The following PPP1R12B variants were observed in gnomAD, a reference collection of about 807,000 sequenced individuals.
PPP1R12B encodes the protein myosin phosphatase target subunit 2.
In PPP1R12B, 76 loss-of-function variants were observed where a neutral mutation model predicts 126.1. That is an observed-to-expected ratio of 0.60 (90% CI 0.50 to 0.73). PPP1R12B has a LOEUF of 0.73. PPP1R12B is among the 30% of genes least tolerant of loss of function. The pLI, the probability that PPP1R12B is intolerant of heterozygous loss-of-function variation, is 0.00. For synonymous variants in PPP1R12B, 356 were observed against 434.7 expected (o/e 0.82, Z 2.25); for missense variants, 1,052 against 1,205.1 (o/e 0.87, Z 1.88).
At chr1:202,570,467 A>G (rs1688485978) in intron 23 of PPP1R12B, among the ~76,000 whole-genome samples, 4 of 152,210 alleles carry the variant, frequency 2.6e-5, no homozygotes, top group African/African-American at 9.7e-5. Context: ...TAACATTCAC[A>G]TAGAATTTTA....
intron 18 of PPP1R12B, among the ~76,000 whole-genome samples, chr1:202,539,316 A>C (rs529931639): frequency 1.4e-4 from 21 of 152,166 alleles, no homozygotes; most frequent in Admixed American, 8.5e-4. Flanking sequence ...TTTTCCTCCT[A>C]CAAGTGGTAA....
chr1:202,492,138 C>T (rs1342490959), intron 14 of PPP1R12B, among the ~76,000 whole-genome samples: 1 of 152,166 alleles, frequency 6.6e-6, no homozygotes, highest in Non-Finnish European at 1.5e-5. Context: ...ACCCAGTGTT[C>T]GGTATTCATC....
At chr1:202,562,662 C>T (rs750715737) in intron 19 of PPP1R12B, 116 bp from the exon 20 acceptor site, 1 of 1,155,978 alleles carries the variant, frequency 8.7e-7, no homozygotes, top group Non-Finnish European at 1.3e-6. Context: ...TGAGTTGTTT[C>T]TGGCCAGGGC....
rs1467732001 is a variant in PPP1R12B, at chr1:202,582,911, A to T, written c.*2351A>T. On this transcript the variant is annotated 3_prime_UTR_variant, in exon 24 of 24. Coordinates refer to ENST00000608999, the MANE Select transcript of PPP1R12B (RefSeq NM_002481.4). ...AAAAAAATAATAATAATAAATAAAT[A>T]AAAAATCCCAATTACAGAACAGGAG... is the stretch of plus-strand genomic sequence containing the variant. The T allele has an allele frequency of 6.6e-6, 1 of 152,072 alleles. No individual in the cohort carries two copies. Among genetic ancestry groups the T allele is most frequent in the Non-Finnish European group, 1.5e-5 (1 of 68,016 alleles). 9.4% of individuals were successfully genotyped at this position (152,072 alleles called of 1,614,324 possible). A position where few individuals can be genotyped will look rare whatever the true frequency, so the allele number is the denominator to read the frequency against.
intron 18 of PPP1R12B, among the ~76,000 whole-genome samples, chr1:202,533,466 TTTTTGTTTTGTTTTG>T (rs546207929): frequency 6.6e-6 from 1 of 152,040 alleles, no homozygotes; most frequent in African/African-American, 2.4e-5. Context: ...ATTTTGGGTT[TTTTTGTTTTGTTTTG>T]TTTTGTTTTG....
chr1:202,451,718 AG>A (rs1672956112), intron 13 of PPP1R12B, among the ~76,000 whole-genome samples: 1 of 152,028 alleles, frequency 6.6e-6, no homozygotes, highest in Admixed American at 6.5e-5. Flanking sequence ...GGCCGGGCAG[AG>A]GGGCTCCTCA....
Position 202,455,205 on chromosome 1 carries a change from T to TAG in PPP1R12B, c.1850+6050_1850+6051dup, listed in dbSNP as rs138316173. Among the ~76,000 whole-genome samples, 41 of 151,024 alleles carry TAG rather than the reference T, an allele frequency of 2.7e-4. No individual in the cohort carries two copies. The East Asian group carries it at 5.9e-3, about 22-fold the overall frequency. On this transcript the variant is annotated intron_variant, in intron 13 of 23. Coordinates refer to ENST00000608999, the MANE Select transcript of PPP1R12B (RefSeq NM_002481.4). The stretch of plus-strand genomic sequence containing the variant: ...TAGGAGCTATATACATATATATATA[T>TAG]AGAGAGAGAGAGAGAGAATTCACAT...
At chr1:202,523,706 T>C (rs1201208640) in intron 18 of PPP1R12B, among the ~76,000 whole-genome samples, 6 of 152,132 alleles carry the variant, frequency 3.9e-5, no homozygotes, top group Non-Finnish European at 5.9e-5. Context: ...GTTTTTTTGT[T>C]TGTTTTTTGT....
chr1:202,495,452 A>G lies in PPP1R12B; in HGVS notation c.2305A>G (p.Thr769Ala), dbSNP rs747772262. 8.7e-6 allele frequency: 14 copies of G among 1,607,972 alleles called. No individual in the cohort carries two copies. Among genetic ancestry groups the G allele is most frequent in the Non-Finnish European group, 1.2e-5 (14 of 1,177,048 alleles). ...DSESSETTTNTTTAKEMDKNE... is the reference protein window; with the variant it reads ...DSESSETTTNATTAKEMDKNE... ...TGAGAGTTCAGAGACTACCACAAAC[A>G]CTACAACTGCAAAGGAAATGGACAA... Residue 769 changes from threonine (T) to alanine (A), a missense_variant, in exon 16 of 24, where the codon ACT (threonine) becomes GCT (alanine). Thr to Ala is a moderately conservative substitution (Grantham distance 58). Coordinates refer to ENST00000608999, the MANE Select transcript of PPP1R12B (RefSeq NM_002481.4).
chr1:202,453,087 C>T (rs1009261249), intron 13 of PPP1R12B, among the ~76,000 whole-genome samples: 2 of 152,140 alleles, frequency 1.3e-5, no homozygotes, highest in African/African-American at 4.8e-5. Context: ...TTCAGTTTTT[C>T]GCCATTCAGT....
chr1:202,524,308 C>T (rs539978827), intron 18 of PPP1R12B, among the ~76,000 whole-genome samples: 1 of 152,294 alleles, frequency 6.6e-6, no homozygotes, highest in East Asian at 1.9e-4. Context: ...CATCAACTGA[C>T]ATGGGGTAGG....
chr1:202,360,913 C>T (rs1329284092), intron 1 of PPP1R12B, among the ~76,000 whole-genome samples: 4 of 138,578 alleles, frequency 2.9e-5, no homozygotes, highest in East Asian at 4.2e-4. Context: ...TTTTTTGAGA[C>T]GGAGTCTTGC....
At chr1:202,470,783 T>C (rs967346706) in intron 13 of PPP1R12B, among the ~76,000 whole-genome samples, 17 of 151,986 alleles carry the variant, frequency 1.1e-4, no homozygotes, top group African/African-American at 4.1e-4. Flanking sequence ...CCTGTGCCTG[T>C]AATCCCAGCT....
At chr1:202,512,724 A>G (rs1681669563) in intron 18 of PPP1R12B, among the ~76,000 whole-genome samples, 3 of 152,064 alleles carry the variant, frequency 2.0e-5, no homozygotes, top group Admixed American at 6.6e-5. Flanking sequence ...CTCTCCTCCC[A>G]TCTTTGAGCT....
At chr1:202,494,851 A>G (rs1445549727) in intron 15 of PPP1R12B, among the ~76,000 whole-genome samples, 1 of 152,228 alleles carries the variant, frequency 6.6e-6, no homozygotes, top group Non-Finnish European at 1.5e-5. Context: ...ACTCACATTT[A>G]TTCTCTGTTC....
intron 18 of PPP1R12B, among the ~76,000 whole-genome samples, chr1:202,511,771 ATTTTTTT>A (rs772556181): frequency 1.1e-4 from 12 of 107,860 alleles, no homozygotes; most frequent in Admixed American, 3.2e-4. Context: ...ATATACCACA[ATTTTTTT>A]TTTTTTTTTT....
In PPP1R12B at chr1:202,570,304, G is replaced by GA. The variant is rs796620675; in HGVS notation, c.2862+1119dup. On this transcript the variant is annotated intron_variant, in intron 23 of 23. Coordinates refer to ENST00000608999, the MANE Select transcript of PPP1R12B (RefSeq NM_002481.4). Reference sequence around the variant, plus strand: ...GGCCTAAATAGATTGGTTATTTATTGAAAAAAAAAAAACTTTTTAAGACCT... The same window carrying GA: ...GGCCTAAATAGATTGGTTATTTATTGAAAAAAAAAAAAACTTTTTAAGACCT... 3.2e-3 allele frequency among the ~76,000 whole-genome samples: 452 copies of GA among 140,940 alleles called. 1 individual carries two copies. The highest frequency in any genetic ancestry group is 7.0e-3 in the African/African-American group (272 of 38,628). The allele number at this position is 140,940 out of a possible 152,430, so 92.5% of individuals were successfully genotyped here.
intron 13 of PPP1R12B, among the ~76,000 whole-genome samples, chr1:202,456,387 C>T (rs181427805): frequency 5.5e-4 from 83 of 152,126 alleles, no homozygotes; most frequent in African/African-American, 1.9e-3. Context: ...CCATTATAAA[C>T]AGAAATTCAT....
intron 18 of PPP1R12B, among the ~76,000 whole-genome samples, chr1:202,509,944 A>G (rs968102377): frequency 5.3e-5 from 8 of 152,328 alleles, no homozygotes; most frequent in Non-Finnish European, 1.2e-4. Context: ...GTAAAGACTC[A>G]TATAAGGTGT....
Sources: gnomAD v4.1 joint callset for allele counts (sites outside exome capture counted in the v4.1 genomes callset) on GRCh38, gnomAD v4.1.1 for gene constraint, MANE v1.5 for transcripts, NCBI Gene and HGNC (gene_info 2026-07-23, HGNC 2026-07-21) for gene names.